Variants in SLC39A11 observed in about 807,000 individuals in gnomAD.
The protein encoded by SLC39A11 is solute carrier family 39 member 11, also known as zinc transporter ZIP11.
SLC39A11 carries 33 observed loss-of-function variants against 36.1 expected under a neutral mutation model. The observed-to-expected ratio is 0.91, with a 90% CI of 0.69 to 1.22. The LOEUF (loss-of-function observed/expected upper bound fraction) is 1.22, where lower values mean the gene tolerates loss of function less well. SLC39A11 is among the 50% of genes most tolerant of loss of function. The pLI is 0.00. For missense variants in SLC39A11, 432 were observed against 430.3 expected (o/e 1.00, Z -0.03); for synonymous variants, 166 against 170.3 (o/e 0.97, Z 0.20).
At chr17:72,733,102 G>T (rs2074295337) in intron 7 of SLC39A11, among the ~76,000 whole-genome samples, 1 of 152,150 alleles carries the variant, frequency 6.6e-6, no homozygotes, top group African/African-American at 2.4e-5. Context: ...CAAGGGCAAG[G>T]GCACGGCTCC....
intron 3 of SLC39A11, among the ~76,000 whole-genome samples, chr17:73,078,431 C>G (rs1266974377): frequency 6.6e-6 from 1 of 151,332 alleles, no homozygotes; most frequent in African/African-American, 2.4e-5. Context: ...AGGTAGGTAG[C>G]TAGGTAGATA....
intron 6 of SLC39A11, among the ~76,000 whole-genome samples, chr17:72,753,411 C>T (rs1431724854): frequency 6.6e-6 from 1 of 152,154 alleles, no homozygotes; most frequent in Non-Finnish European, 1.5e-5. Flanking sequence ...ATCCATTTAA[C>T]TTTCTAAAAG....
rs202145276 is a variant in SLC39A11, at chr17:72,843,882, G to T, written c.601+5752C>A. ...GCCCCAGACGTGTGCATATGCCTTC[G>T]GGTGTGGCCTCACACTCTGGATACC... On this transcript the variant is annotated intron_variant, in intron 6 of 9. Transcript: ENST00000255559. 8.5e-5 allele frequency among the ~76,000 whole-genome samples: 13 copies of T among 152,168 alleles called. No homozygotes were observed. In the South Asian group the frequency reaches 2.3e-3, roughly 27 times the overall value.
At chr17:73,012,798 ATATT>A (rs910886152) in intron 4 of SLC39A11, among the ~76,000 whole-genome samples, 10 of 151,606 alleles carry the variant, frequency 6.6e-5, no homozygotes, top group Non-Finnish European at 1.2e-4. Flanking sequence ...TTAGAGCCAC[ATATT>A]TATTTATTTA....
In SLC39A11 at chr17:72,959,311, A is replaced by ATGTG. The variant is rs1214552224; in HGVS notation, c.307-11440_307-11437dup. On this transcript the variant is annotated intron_variant, in intron 4 of 9. Transcript: ENST00000255559. ...AGTGGACAAAGAAACTGGTGTATGTATGTGTGTGTGTGTGTATATATATAT... is the reference window on the plus strand; with the variant it reads ...AGTGGACAAAGAAACTGGTGTATGTATGTGTGTGTGTGTGTGTGTATATATATAT... 3.3e-3 allele frequency among the ~76,000 whole-genome samples: 309 copies of ATGTG among 92,502 alleles called. 8 individuals carry two copies. Among genetic ancestry groups the ATGTG allele is most frequent in the African/African-American group, 0.012 (286 of 23,850 alleles). The allele number at this position is 92,502 out of a possible 152,430, so 60.7% of individuals were successfully genotyped here.
rs1228214760 is a variant in SLC39A11 at position 72,866,995 on chromosome 17, T to C, written c.431-17191A>G. Among the ~76,000 whole-genome samples the C allele has an allele frequency of 7.9e-5, 12 of 152,142 alleles. No homozygotes were observed. In the East Asian group the frequency reaches 1.9e-3, roughly 24 times the overall value. On this transcript the variant is annotated intron_variant, in intron 5 of 9. Transcript: ENST00000255559. Reference sequence around the variant, plus strand: ...AGATATTAGCAAAAATGTTGGAAAATGGAAGCAACCATTGATTGTAAAATA... The same window carrying C: ...AGATATTAGCAAAAATGTTGGAAAACGGAAGCAACCATTGATTGTAAAATA...
chr17:72,662,833 A>G (rs1428441697), intron 7 of SLC39A11, among the ~76,000 whole-genome samples: 3 of 152,178 alleles, frequency 2.0e-5, no homozygotes, highest in African/African-American at 7.2e-5. Flanking sequence ...AGAGAAAGAG[A>G]GAAAGAAAGA....
chr17:72,750,538 T>C (rs2075116147), intron 6 of SLC39A11, among the ~76,000 whole-genome samples: 1 of 151,840 alleles, frequency 6.6e-6, no homozygotes, highest in African/African-American at 2.4e-5. Flanking sequence ...TGGAGGACTT[T>C]CGAACAAAAT....
intron 6 of SLC39A11, among the ~76,000 whole-genome samples, chr17:72,827,042 T>C (rs1364317560): frequency 6.6e-6 from 1 of 152,178 alleles, no homozygotes; most frequent in African/African-American, 2.4e-5. Flanking sequence ...CAAAAACTTG[T>C]ACATGAAAGT....
intron 6 of SLC39A11, among the ~76,000 whole-genome samples, chr17:72,813,185 T>C (rs535815169): frequency 2.0e-5 from 3 of 152,334 alleles, no homozygotes; most frequent in African/African-American, 7.2e-5. Context: ...TTACTCCTTA[T>C]ACTTTTGAAA....
intron 4 of SLC39A11, among the ~76,000 whole-genome samples, chr17:73,030,444 A>G (rs1239145540): frequency 6.6e-6 from 1 of 152,054 alleles, no homozygotes; most frequent in African/African-American, 2.4e-5. Context: ...CTCTTTCTCC[A>G]CTTGGGAAGT....
intron 3 of SLC39A11, among the ~76,000 whole-genome samples, chr17:73,034,548 T>C (rs781535124): frequency 2.0e-5 from 3 of 152,210 alleles, no homozygotes; most frequent in Non-Finnish European, 4.4e-5. Context: ...ACCTGACCTG[T>C]GCAGCAGCTT....
chr17:72,807,162 G>T (rs1034234829), intron 6 of SLC39A11, among the ~76,000 whole-genome samples: 1 of 152,024 alleles, frequency 6.6e-6, no homozygotes, highest in Non-Finnish European at 1.5e-5. Context: ...CTCCCTCTGA[G>T]GATATTCATC....
At chr17:72,758,273 AAGACAC>A in intron 6 of SLC39A11, among the ~76,000 whole-genome samples, 1 of 152,248 alleles carries the variant, frequency 6.6e-6, no homozygotes, top group East Asian at 1.9e-4. Flanking sequence ...AAAGGTCTGG[AAGACAC>A]AGTCAAGAAG....
intron 5 of SLC39A11, among the ~76,000 whole-genome samples, chr17:72,907,835 C>T (rs923146652): frequency 6.6e-6 from 1 of 152,236 alleles, no homozygotes; most frequent in Non-Finnish European, 1.5e-5. Context: ...CCATATCCCA[C>T]GCCACAGACT....
intron 6 of SLC39A11, among the ~76,000 whole-genome samples, chr17:72,764,751 T>C (rs1247068204): frequency 2.0e-5 from 3 of 152,104 alleles, no homozygotes; most frequent in Non-Finnish European, 4.4e-5. Context: ...ATATGACACA[T>C]CTGCAATTTT....
chr17:73,032,301 G>A (rs2058762945), intron 3 of SLC39A11, among the ~76,000 whole-genome samples: 1 of 151,862 alleles, frequency 6.6e-6, no homozygotes. Flanking sequence ...CCACCTCCCG[G>A]GTTCAAGTGA....
chr17:72,842,150 T>G (rs368551742), intron 6 of SLC39A11, among the ~76,000 whole-genome samples: 1 of 152,034 alleles, frequency 6.6e-6, no homozygotes, highest in African/African-American at 2.4e-5. Flanking sequence ...TACATACCTA[T>G]GTTACTGACA....
At chr17:72,905,748 G>T (rs572150914) in intron 5 of SLC39A11, among the ~76,000 whole-genome samples, 1 of 151,376 alleles carries the variant, frequency 6.6e-6, no homozygotes, top group Non-Finnish European at 1.5e-5. Flanking sequence ...GCATGAAGAA[G>T]AACTCAACTC....
Sources: gnomAD v4.1 joint callset for allele counts (sites outside exome capture counted in the v4.1 genomes callset) on GRCh38, gnomAD v4.1.1 for gene constraint, MANE v1.5 for transcripts, NCBI Gene and HGNC (gene_info 2026-07-23, HGNC 2026-07-21) for gene names.